The following MTMR2 variants were observed in gnomAD, a reference collection of about 807,000 sequenced individuals.
The protein encoded by MTMR2 is myotubularin related protein 2, also known as phosphatidylinositol-3,5-bisphosphate 3-phosphatase MTMR2.
A neutral mutation model predicts 86.9 loss-of-function variants in MTMR2; 55 were observed. The ratio of observed to expected loss-of-function variants is 0.63; its 90% CI spans 0.51 to 0.79. The LOEUF is 0.79. Ranked by LOEUF, MTMR2 falls within the 30% of genes least tolerant of loss-of-function variation. MTMR2 has a pLI of 0.00. For missense variants in MTMR2, 659 were observed against 772.3 expected (o/e 0.85, Z 1.74); for synonymous variants, 241 against 266.8 (o/e 0.90, Z 0.94).
At position 95,845,984 on chromosome 11, in the gene MTMR2, G is replaced by GA. The variant is rs534668463; in HGVS notation, c.1180-826dup. 1.4e-3 allele frequency among the ~76,000 whole-genome samples: 218 copies of GA among 151,176 alleles called. 2 individuals carry two copies. Among genetic ancestry groups the GA allele is most frequent in the African/African-American group, 5.0e-3 (204 of 41,132 alleles). On this transcript the variant is annotated intron_variant, in intron 10 of 14. Coordinates refer to ENST00000346299, the MANE Select transcript of MTMR2 (RefSeq NM_016156.6). ...ACAGTATAGTTCTACATACGCAGAT[G>GA]AGAATGAAAGAAAACAGATTATTAA...
intron 1 of MTMR2, among the ~76,000 whole-genome samples, chr11:95,906,304 C>A (rs1031884913): frequency 2.0e-5 from 3 of 151,904 alleles, no homozygotes; most frequent in Non-Finnish European, 4.4e-5. Flanking sequence ...ATTATTATAC[C>A]CATTATAAAA....
chr11:95,852,601 C>G (rs918117661), intron 7 of MTMR2, among the ~76,000 whole-genome samples: 2 of 152,186 alleles, frequency 1.3e-5, no homozygotes, highest in Admixed American at 1.3e-4. Context: ...TTCCCTCCCT[C>G]CTGATTTCGT....
At chr11:95,856,739 C>G (rs987584048) in intron 7 of MTMR2, among the ~76,000 whole-genome samples, 1 of 152,182 alleles carries the variant, frequency 6.6e-6, no homozygotes, top group Non-Finnish European at 1.5e-5. Flanking sequence ...TCTTTAGACA[C>G]CTGCTTTCCA....
At chr11:95,838,018 C>G (rs1043658271) in intron 13 of MTMR2, 76 bp downstream of exon 13, 7 of 936,548 alleles carry the variant, frequency 7.5e-6, no homozygotes, top group Non-Finnish European at 1.2e-5. Flanking sequence ...CAGTTGAAAT[C>G]TGTCACAGAG....
chr11:95,861,683 GA>G (rs1864426094), intron 5 of MTMR2, among the ~76,000 whole-genome samples: 2 of 151,962 alleles, frequency 1.3e-5, no homozygotes, highest in Admixed American at 1.3e-4. Flanking sequence ...CTCAGTCTCT[GA>G]AAGTGTTGGG....
chr11:95,885,100 G>A (rs557912673), intron 2 of MTMR2, among the ~76,000 whole-genome samples: 1 of 152,062 alleles, frequency 6.6e-6, no homozygotes, highest in Non-Finnish European at 1.5e-5. Flanking sequence ...TGCAAACAGA[G>A]CTGATGTATA....
In MTMR2 at chr11:95,835,220, ACTTTCTACTCAT is replaced by A; in HGVS notation, c.*58_*69del. On this transcript the variant is annotated 3_prime_UTR_variant, in exon 15 of 15. Transcript: ENST00000346299. ...CATAGATGGGTTCTAAATTCCGAAG[ACTTTCTACTCAT>A]AGAGCTGCCAGTGTAATCAAGAGTG... 1.3e-6 allele frequency: 2 copies of A among 1,513,588 alleles called. No individual in the cohort carries two copies. The highest frequency in any genetic ancestry group is 1.8e-6 in the Non-Finnish European group (2 of 1,092,258). The allele number at this position is 1,513,588 out of a possible 1,614,324, so 93.8% of individuals were successfully genotyped here. A position where few individuals can be genotyped will look rare whatever the true frequency, so the allele number is the denominator to read the frequency against.
intron 2 of MTMR2, among the ~76,000 whole-genome samples, chr11:95,877,363 T>A (rs952944894): frequency 1.1e-4 from 16 of 142,688 alleles, no homozygotes; most frequent in East Asian, 2.0e-4. Flanking sequence ...TTTTTTTTTT[T>A]ATATAACACA....
intron 1 of MTMR2, 56 bp downstream of exon 1, chr11:95,923,819 C>G: frequency 6.5e-7 from 1 of 1,533,288 alleles, no homozygotes; most frequent in Non-Finnish European, 8.8e-7. Flanking sequence ...CAGCAGGTCC[C>G]CGGCCCCTCT....
chr11:95,869,113 G>A (rs537394536), intron 2 of MTMR2, among the ~76,000 whole-genome samples: 21 of 151,466 alleles, frequency 1.4e-4, no homozygotes, highest in African/African-American at 3.9e-4. Context: ...ACCATACTAC[G>A]CTCTGAGTCT....
At chr11:95,910,449 G>A (rs980745286) in intron 1 of MTMR2, among the ~76,000 whole-genome samples, 1 of 151,916 alleles carries the variant, frequency 6.6e-6, no homozygotes, top group African/African-American at 2.4e-5. Context: ...CATATAAAGA[G>A]TATATACACT....
In MTMR2 at chr11:95,850,662, C is replaced by T; in HGVS notation, c.742G>A (p.Ala248Thr). The change falls in exon 8 of 15, where the codon GCA (alanine) becomes ACA (threonine). Residue 248 changes from alanine to threonine, a missense_variant. Ala to Thr is a moderately conservative substitution (Grantham distance 58). Around this residue, in one of 3 missense-constraint regions of MTMR2, gnomAD observed 387 missense variants for 526.3 expected, o/e 0.74. Transcript: ENST00000346299. ...TTTAATTCTTCATCAGGAATATTTG[C>T]TGGCACAACCAGGAGGGCAGGGTAT... ...DTYPALLVVP[A>T]NIPDEELKRV... 6.2e-7 allele frequency: 1 copy of T among 1,614,132 alleles called. No homozygotes were observed. The highest frequency in any genetic ancestry group is 8.5e-7 in the Non-Finnish European group (1 of 1,179,964).
intron 2 of MTMR2, among the ~76,000 whole-genome samples, chr11:95,882,920 T>TTTTTTTTTG (rs1262649442): frequency 9.9e-6 from 1 of 101,158 alleles, no homozygotes; most frequent in African/African-American, 3.7e-5. Context: ...TTTTTTTTTT[T>TTTTTTTTTG]GTATTTTTAG....
chr11:95,841,993 T>C (rs538218717), intron 11 of MTMR2, among the ~76,000 whole-genome samples: 10 of 152,174 alleles, frequency 6.6e-5, no homozygotes, highest in Admixed American at 6.5e-4. Context: ...TTCAGGAGGC[T>C]AAGGTGGGAG....
At chr11:95,846,708 G>GT (rs1203098265) in intron 10 of MTMR2, among the ~76,000 whole-genome samples, 2 of 152,134 alleles carry the variant, frequency 1.3e-5, no homozygotes, top group African/African-American at 2.4e-5. Flanking sequence ...AATATCTGGA[G>GT]TTTTCAGAAT....
chr11:95,844,838 C>G, intron 11 of MTMR2, 115 bp downstream of exon 11: 1 of 953,972 alleles, frequency 1.0e-6, no homozygotes, highest in South Asian at 1.4e-5. Flanking sequence ...AAACGTTTAC[C>G]CCACTAGATA....
intron 1 of MTMR2, among the ~76,000 whole-genome samples, chr11:95,898,262 T>TA (rs113103300): frequency 0.2 from 27,227 of 137,828 alleles, 4,136 homozygotes; most frequent in African/African-American, 0.43. Flanking sequence ...GGTTGGTTTT[T>TA]AAAAAAAAAA....
chr11:95,867,358 G>A (rs374080984), intron 2 of MTMR2, among the ~76,000 whole-genome samples: 6 of 151,990 alleles, frequency 3.9e-5, no homozygotes, highest in Non-Finnish European at 7.4e-5. Context: ...AGCAACCCCC[G>A]GAAAATATTT....
chr11:95,890,044 G>A (rs1164759273), intron 1 of MTMR2, among the ~76,000 whole-genome samples: 1 of 151,892 alleles, frequency 6.6e-6, no homozygotes, highest in Non-Finnish European at 1.5e-5. Context: ...CCTATAACAA[G>A]AATAACTAAA....
Sources: gnomAD v4.1 joint callset for allele counts (sites outside exome capture counted in the v4.1 genomes callset) on GRCh38, gnomAD v4.1.1 for gene constraint, gnomAD v4.1.1 regional missense constraint, MANE v1.5 for transcripts, NCBI Gene and HGNC (gene_info 2026-07-23, HGNC 2026-07-21) for gene names.